Variants in GALNTL6 observed in about 807,000 individuals in gnomAD.
The protein encoded by GALNTL6 is polypeptide N-acetylgalactosaminyltransferase like 6.
Under a neutral mutation model 73.7 loss-of-function variants are expected in GALNTL6, and 46 were observed. That is an observed-to-expected ratio of 0.62 (90% CI 0.49 to 0.80). The LOEUF (loss-of-function observed/expected upper bound fraction) is 0.80, where lower values mean the gene tolerates loss of function less well. Ranked by LOEUF, GALNTL6 falls within the 30% of genes least tolerant of loss-of-function variation. GALNTL6 has a pLI of 0.00. For missense variants in GALNTL6, 604 were observed against 755.0 expected (o/e 0.80, Z 2.34); for synonymous variants, 259 against 263.7 (o/e 0.98, Z 0.17).
At chr4:172,585,906 A>G (rs1737392729) in intron 5 of GALNTL6, among the ~76,000 whole-genome samples, 2 of 152,226 alleles carry the variant, frequency 1.3e-5, no homozygotes, top group Admixed American at 6.5e-5. Flanking sequence ...ACATATGAAA[A>G]AAAAGCTCAT....
At chr4:172,215,941 G>A (rs1169647878) in intron 2 of GALNTL6, among the ~76,000 whole-genome samples, 4 of 152,054 alleles carry the variant, frequency 2.6e-5, no homozygotes, top group Non-Finnish European at 4.4e-5. Context: ...GTAAATAACA[G>A]TACCTTGCTT....
intron 2 of GALNTL6, among the ~76,000 whole-genome samples, chr4:172,122,956 A>AAAG (rs1481425780): frequency 6.6e-6 from 1 of 152,252 alleles, no homozygotes; most frequent in Non-Finnish European, 1.5e-5. Context: ...GCCTAGGGCT[A>AAAG]AAGTCTTATA....
chr4:172,273,691 A>T (rs1738734573), intron 3 of GALNTL6, among the ~76,000 whole-genome samples: 1 of 152,182 alleles, frequency 6.6e-6, no homozygotes. Context: ...AGGAAAGAAC[A>T]GCAATGCAGT....
intron 4 of GALNTL6, among the ~76,000 whole-genome samples, chr4:172,347,645 TTTGTCATA>T (rs1419658153): frequency 6.6e-6 from 1 of 152,192 alleles, no homozygotes; most frequent in Admixed American, 6.5e-5. Context: ...CTGACAAATC[TTTGTCATA>T]TTATATATAT....
chr4:171,923,818 G>GTT (rs1553970595), intron 2 of GALNTL6, among the ~76,000 whole-genome samples: 1 of 149,650 alleles, frequency 6.7e-6, no homozygotes, highest in African/African-American at 2.5e-5. Context: ...GTGTGTGTGT[G>GTT]TGTGTGTGTT....
intron 2 of GALNTL6, among the ~76,000 whole-genome samples, chr4:172,168,534 A>G (rs1459866405): frequency 6.6e-6 from 1 of 152,090 alleles, no homozygotes; most frequent in Non-Finnish European, 1.5e-5. Flanking sequence ...AGTGTTGGTA[A>G]TGTTGATCAA....
chr4:172,161,537 T>A (rs1734468112), intron 2 of GALNTL6, among the ~76,000 whole-genome samples: 1 of 151,936 alleles, frequency 6.6e-6, no homozygotes, highest in African/African-American at 2.4e-5. Context: ...GCAACATCAT[T>A]CAATGAGAAT....
At chr4:172,699,919 G>T (rs1380845089) in intron 5 of GALNTL6, among the ~76,000 whole-genome samples, 5 of 152,042 alleles carry the variant, frequency 3.3e-5, no homozygotes, top group African/African-American at 1.2e-4. Context: ...CCTGTAATAG[G>T]ATGCAAGTAT....
chr4:172,003,800 T>C (rs1188117058), intron 2 of GALNTL6, among the ~76,000 whole-genome samples: 1 of 152,104 alleles, frequency 6.6e-6, no homozygotes, highest in African/African-American at 2.4e-5. Flanking sequence ...TTCCATTATA[T>C]TGTATGGCTA....
At position 172,780,587 on chromosome 4, in the gene GALNTL6, T is replaced by TA. The variant is rs1451194203; in HGVS notation, c.554-28773dup. ...CTTGTTGATTTGAAATTTCTAAAACTACTATTGCCTTGACATTTTTTCCTG... is the reference window on the plus strand; with the variant it reads ...CTTGTTGATTTGAAATTTCTAAAACTAACTATTGCCTTGACATTTTTTCCTG... On this transcript the variant is annotated intron_variant, in intron 5 of 12. Coordinates refer to ENST00000506823, the MANE Select transcript of GALNTL6 (RefSeq NM_001034845.3). 5.3e-5 allele frequency among the ~76,000 whole-genome samples: 8 copies of TA among 152,342 alleles called. No homozygotes were observed. The East Asian group carries it at 5.8e-4, about 11-fold the overall frequency.
At chr4:172,411,834 T>TA (rs1433835145) in intron 5 of GALNTL6, among the ~76,000 whole-genome samples, 1 of 152,092 alleles carries the variant, frequency 6.6e-6, no homozygotes, top group Non-Finnish European at 1.5e-5. Flanking sequence ...AGTTGCTTTA[T>TA]AGGCCCTGGG....
chr4:172,177,618 G>C (rs1173596741), intron 2 of GALNTL6, among the ~76,000 whole-genome samples: 2 of 151,508 alleles, frequency 1.3e-5, no homozygotes, highest in African/African-American at 4.8e-5. Context: ...ATTGAGCAAA[G>C]AAAGGGTACA....
At chr4:172,823,626 C>T (rs2111030428) in intron 7 of GALNTL6, among the ~76,000 whole-genome samples, 1 of 152,054 alleles carries the variant, frequency 6.6e-6, no homozygotes, top group South Asian at 2.1e-4. Flanking sequence ...TAGGGTGTGA[C>T]CCACAGAGCA....
At chr4:172,171,709 G>A (rs968775806) in intron 2 of GALNTL6, among the ~76,000 whole-genome samples, 2 of 149,956 alleles carry the variant, frequency 1.3e-5, no homozygotes, top group African/African-American at 2.5e-5. Flanking sequence ...GTGGTGGCAC[G>A]TGTCTGTGGT....
At chr4:172,368,781 C>T (rs1440250639) in intron 5 of GALNTL6, among the ~76,000 whole-genome samples, 3 of 151,032 alleles carry the variant, frequency 2.0e-5, no homozygotes, top group East Asian at 1.9e-4. Flanking sequence ...AGAATGAAGC[C>T]GCGGACCCTT....
At chr4:173,023,662 C>A (rs199992834) in intron 12 of GALNTL6, among the ~76,000 whole-genome samples, 12,457 of 150,678 alleles carry the variant, frequency 0.083, 960 homozygotes, top group African/African-American at 0.21. Flanking sequence ...AACTCCATCC[C>A]AAAAAAAGCA....
chr4:172,895,114 A>T (rs1476502486), intron 8 of GALNTL6, among the ~76,000 whole-genome samples: 1 of 151,656 alleles, frequency 6.6e-6, no homozygotes, highest in African/African-American at 2.4e-5. Flanking sequence ...TATAGGCAGC[A>T]TATAGTTAGG....
intron 5 of GALNTL6, among the ~76,000 whole-genome samples, chr4:172,596,594 C>G (rs1240933503): frequency 1.3e-5 from 2 of 152,126 alleles, no homozygotes; most frequent in African/African-American, 4.8e-5. Flanking sequence ...ATTGAAGACT[C>G]TCAGGTTCTG....
intron 5 of GALNTL6, among the ~76,000 whole-genome samples, chr4:172,759,035 G>A (rs1160184805): frequency 6.6e-6 from 1 of 152,170 alleles, no homozygotes; most frequent in African/African-American, 2.4e-5. Flanking sequence ...TAGTCTAGGA[G>A]GTTCAACTTA....
Sources: allele counts gnomAD v4.1 joint callset (sites outside exome capture counted in the v4.1 genomes callset), GRCh38; gene constraint gnomAD v4.1.1; transcripts MANE v1.5; gene names NCBI Gene and HGNC (gene_info 2026-07-23, HGNC 2026-07-21).